PRKN: variants seen among roughly 807,000 people sequenced by gnomAD.
PRKN encodes the protein E3 ubiquitin-protein ligase parkin.
Under a neutral mutation model 59.5 loss-of-function variants are expected in PRKN, and 56 were observed. That is an observed-to-expected ratio of 0.94 (90% CI 0.76 to 1.18). The LOEUF is 1.18. PRKN is among the 50% of genes most tolerant of loss of function. The probability of loss-of-function intolerance (pLI) is 0.00; values close to 1 mark genes in which losing one functional copy is unlikely to be tolerated. For synonymous variants in PRKN, 250 were observed against 222.1 expected, an observed-to-expected ratio of 1.13 and a Z score of -1.12; for missense variants, 657 against 596.4, an observed-to-expected ratio of 1.10 and a Z score of -1.06.
chr6:162,153,264 C>T (rs138224917), intron 4 of PRKN, among the ~76,000 whole-genome samples: 199 of 152,346 alleles, frequency 1.3e-3, no homozygotes, highest in Middle Eastern at 3.4e-3. Context: ...CAATTACTCA[C>T]TTGGGCCTGC....
intron 2 of PRKN, among the ~76,000 whole-genome samples, chr6:162,427,182 A>C (rs1312678276): frequency 6.6e-6 from 1 of 152,216 alleles, no homozygotes. Context: ...CAAAATTTAA[A>C]AGTCTGAAAA....
chr6:161,914,213 T>C (rs1001754196), intron 6 of PRKN, among the ~76,000 whole-genome samples: 7 of 152,220 alleles, frequency 4.6e-5, no homozygotes, highest in Admixed American at 4.6e-4. Context: ...TAAAGCTTTT[T>C]ATCAGAATAA....
At chr6:161,594,577 A>G (rs1365633038) in intron 7 of PRKN, among the ~76,000 whole-genome samples, 1 of 152,244 alleles carries the variant, frequency 6.6e-6, no homozygotes, top group African/African-American at 2.4e-5. Context: ...TGTCTGCTTT[A>G]GAATTTATTA....
chr6:162,223,611 TGA>T (rs1491408338), intron 3 of PRKN, among the ~76,000 whole-genome samples: 7 of 126,514 alleles, frequency 5.5e-5, no homozygotes, highest in African/African-American at 1.6e-4. Flanking sequence ...AATAGACACG[TGA>T]CACACACACA....
chr6:161,847,814 C>T (rs1793263277), intron 6 of PRKN, among the ~76,000 whole-genome samples: 1 of 152,164 alleles, frequency 6.6e-6, no homozygotes, highest in Admixed American at 6.5e-5. Context: ...GAACCAGGTC[C>T]TCTCTTCTTG....
At chr6:161,398,459 A>G (rs1786872251) in intron 9 of PRKN, among the ~76,000 whole-genome samples, 1 of 152,158 alleles carries the variant, frequency 6.6e-6, no homozygotes, top group African/African-American at 2.4e-5. Flanking sequence ...CTAGACCAGA[A>G]TCTTTCATTT....
chr6:162,341,495 T>C (rs1784177583), intron 2 of PRKN, among the ~76,000 whole-genome samples: 3 of 152,114 alleles, frequency 2.0e-5, no homozygotes, highest in Admixed American at 1.3e-4. Flanking sequence ...TAGCAAAGAC[T>C]TGGAACAAAC....
rs1289145880 is a variant in PRKN at position 162,282,973 on chromosome 6, CCTTT to C, written c.172-20212_172-20209del. Among the ~76,000 whole-genome samples the C allele has an allele frequency of 4.6e-5, 7 of 151,552 alleles. No individual in the cohort carries two copies. The South Asian group carries it at 6.2e-4, about 14-fold the overall frequency. On this transcript the variant is annotated intron_variant, in intron 2 of 11. Coordinates refer to ENST00000366898, the MANE Select transcript of PRKN (RefSeq NM_004562.3). ...ACTCATTTAATTCCTGATAAGCTTT[CCTTT>C]CTTTCTTTCTCTCTCTCTTTTTTTT...
At chr6:162,223,174 C>T (rs966022833) in intron 3 of PRKN, among the ~76,000 whole-genome samples, 3 of 152,008 alleles carry the variant, frequency 2.0e-5, no homozygotes, top group African/African-American at 7.2e-5. Context: ...CATGTCCCTA[C>T]AAAGGACATG....
intron 1 of PRKN, among the ~76,000 whole-genome samples, chr6:162,471,395 G>A (rs113869212): frequency 2.6e-4 from 40 of 152,178 alleles, no homozygotes; most frequent in African/African-American, 9.4e-4. Context: ...ACTGTACCTC[G>A]CCTCCACACT....
At chr6:161,605,366 T>C (rs886527343) in intron 7 of PRKN, among the ~76,000 whole-genome samples, 3 of 152,224 alleles carry the variant, frequency 2.0e-5, no homozygotes, top group African/African-American at 7.2e-5. Context: ...CAGACACATA[T>C]ACATTTACAC....
chr6:162,727,320 A>C, intron 1 of PRKN: 1 of 359,780 alleles, frequency 2.8e-6, no homozygotes, highest in Non-Finnish European at 5.0e-6. Context: ...GGCGAAGGTG[A>C]GGGGCGGCGG....
chr6:161,998,425 A>T lies in PRKN; in HGVS notation c.619-25008T>A, dbSNP rs555033635. Among the ~76,000 whole-genome samples, 14 of 152,252 alleles carry T rather than the reference A, an allele frequency of 9.2e-5. No homozygotes were observed. In the East Asian group the frequency reaches 2.7e-3, roughly 29 times the overall value. Reference sequence around the variant, plus strand: ...CCTGGAAACAATCTATTAACTACACATATGAAAACCCCCATATATTTGCAT... The same window carrying T: ...CCTGGAAACAATCTATTAACTACACTTATGAAAACCCCCATATATTTGCAT... On this transcript the variant is annotated intron_variant, in intron 5 of 11. Coordinates refer to ENST00000366898, the MANE Select transcript of PRKN (RefSeq NM_004562.3).
chr6:161,757,224 T>C lies in PRKN; in HGVS notation c.871+28548A>G, dbSNP rs188850933. On this transcript the variant is annotated intron_variant, in intron 7 of 11. Coordinates refer to ENST00000366898, the MANE Select transcript of PRKN (RefSeq NM_004562.3). ...AAGCACAATCCATAAAAGAACAAGC[T>C]GGCAAATTGGATTTAACTGAAATTA... Among the ~76,000 whole-genome samples the C allele has an allele frequency of 4.4e-3, 663 of 152,280 alleles. 7 individuals carry two copies. Among genetic ancestry groups the C allele is most frequent in the Non-Finnish European group, 4.4e-3 (301 of 68,016 alleles).
intron 4 of PRKN, among the ~76,000 whole-genome samples, chr6:162,132,235 G>A (rs1781392239): frequency 6.6e-6 from 1 of 152,280 alleles, no homozygotes; most frequent in South Asian, 2.1e-4. Context: ...ATTGGTGTTG[G>A]ATTGCAGATT....
intron 2 of PRKN, among the ~76,000 whole-genome samples, chr6:162,437,918 G>A (rs762139371): frequency 8.5e-5 from 13 of 152,130 alleles, no homozygotes; most frequent in Admixed American, 2.6e-4. Flanking sequence ...GTGTACCTAC[G>A]TCTTCATTTC....
intron 1 of PRKN, among the ~76,000 whole-genome samples, chr6:162,556,659 A>G (rs577440476): frequency 1.3e-5 from 2 of 150,226 alleles, no homozygotes; most frequent in Admixed American, 6.7e-5. Context: ...AGGCAGGAGA[A>G]TCGCCTGAAC....
At chr6:162,162,855 A>G (rs1782818156) in intron 4 of PRKN, among the ~76,000 whole-genome samples, 1 of 147,972 alleles carries the variant, frequency 6.8e-6, no homozygotes, top group Non-Finnish European at 1.5e-5. Flanking sequence ...TAAAAATACA[A>G]AAATCAGTGG....
At chr6:162,089,546 CA>C (rs550075475) in intron 4 of PRKN, among the ~76,000 whole-genome samples, 2 of 152,106 alleles carry the variant, frequency 1.3e-5, no homozygotes, top group African/African-American at 4.8e-5. Context: ...GGTATATATC[CA>C]AAAGAAAAGA....
Sources: gnomAD v4.1 joint callset for allele counts (sites outside exome capture counted in the v4.1 genomes callset) on GRCh38, gnomAD v4.1.1 for gene constraint, MANE v1.5 for transcripts, NCBI Gene and HGNC (gene_info 2026-07-23, HGNC 2026-07-21) for gene names.